SURF1: variants seen among roughly 807,000 people sequenced by gnomAD.
SURF1 encodes surfeit locus protein 1.
In SURF1, 45 loss-of-function variants were observed where a neutral mutation model predicts 34.1. That is an observed-to-expected ratio of 1.32 (90% CI 1.04 to 1.69). The LOEUF is 1.69. Among genes scored for constraint, SURF1 ranks in the 40% most tolerant of loss-of-function variants. The pLI is 0.00. For missense variants in SURF1, 456 were observed against 384.6 expected (o/e 1.19, Z -1.55); for synonymous variants, 188 against 147.5 (o/e 1.27, Z -1.99).
At chr9:133,355,629 G>C (rs1390445848) in intron 2 of SURF1, among the ~76,000 whole-genome samples, 1 of 152,194 alleles carries the variant, frequency 6.6e-6, no homozygotes, top group Non-Finnish European at 1.5e-5. Context: ...TCAGGCACTA[G>C]TGGTTGTTGT....
chr9:133,352,544 G>A lies in SURF1; in HGVS notation c.653C>T (p.Pro218Leu), dbSNP rs2130007750. The change falls in exon 7 of 9, where the codon CCT (proline) becomes CTT (leucine). Residue 218 changes from proline to leucine, a missense_variant. Pro to Leu is a moderately conservative substitution (Grantham distance 98, BLOSUM62 -3). Coordinates refer to ENST00000371974, the MANE Select transcript of SURF1 (RefSeq NM_003172.4). Reference sequence around the variant, plus strand: ...GTGGTTCCTTTCTGGATTGTTCTCAGGGACAAAAGGCTGCCTGGTTTCTGT... The same window carrying A: ...GTGGTTCCTTTCTGGATTGTTCTCAAGGACAAAAGGCTGCCTGGTTTCTGT... ...RLTETRQPFV[P>L]ENNPERNHWH... The A allele has an allele frequency of 1.2e-6, 2 of 1,614,212 alleles. No individual in the cohort carries two copies. Among genetic ancestry groups the A allele is most frequent in the Middle Eastern group, 1.7e-4 (1 of 6,060 alleles).
chr9:133,352,033 G>A, intron 8 of SURF1, 28 bp downstream of exon 8: 1 of 1,612,658 alleles, frequency 6.2e-7, no homozygotes, highest in South Asian at 1.1e-5. Context: ...CTGAAGGGGA[G>A]GAAGCCAGAG....
In SURF1 at chr9:133,352,160, T is replaced by C; in HGVS notation, c.752-18A>G. Reference sequence around the variant, plus strand: ...TGTGCTCTCTGTGGAGACAGCAGACTCAAGTCCACCCCCTACTGGCCTGCC... The same window carrying C: ...TGTGCTCTCTGTGGAGACAGCAGACCCAAGTCCACCCCCTACTGGCCTGCC... On this transcript the variant is annotated intron_variant, in intron 7 of 8. Transcript: ENST00000371974. The C allele has an allele frequency of 6.3e-7, 1 of 1,580,696 alleles. No homozygotes were observed. The highest frequency in any genetic ancestry group is 8.6e-7 in the Non-Finnish European group (1 of 1,162,312).
rs2130017686 is a variant in SURF1, at chr9:133,354,660, C to T, written c.322G>A (p.Asp108Asn). Residue 108 changes from aspartate (D) to asparagine (N), a missense_variant and splice_region_variant, in exon 4 of 9, where the codon GAC becomes AAC. Transcript: ENST00000371974. ...CTAGGGGGGCAGCCATGCACTCACTCGGCTGGCAGAGGGACAGGCTCAGCC... is the reference window on the plus strand; with the variant it reads ...CTAGGGGGGCAGCCATGCACTCACTTGGCTGGCAGAGGGACAGGCTCAGCC... The part of the protein sequence containing the change: ...VLAEPVPLPA[D>N]PMELKNLEYR... The T allele has an allele frequency of 8.7e-5, 140 of 1,612,590 alleles. No individual in the cohort carries two copies. Among genetic ancestry groups the T allele is most frequent in the African/African-American group, 1.3e-4 (10 of 74,890 alleles).
In SURF1 at chr9:133,351,923, G is replaced by C. The variant is rs201822068; in HGVS notation, c.893C>G (p.Pro298Arg). 179 of 1,613,728 alleles carry C rather than the reference G, an allele frequency of 1.1e-4. No homozygotes were observed. Among genetic ancestry groups the C allele is most frequent in the Non-Finnish European group, 1.4e-4 (167 of 1,179,910 alleles). Residue 298 changes from proline (P) to arginine (R), a missense_variant, in exon 9 of 9, where the codon CCT becomes CGT. Transcript: ENST00000371974. Reference protein sequence around the residue: ...LWFKKFLRGTPGV With the variant: ...LWFKKFLRGTRGV ...TCAGCAGCTGATCTGTCACACACCA[G>C]GTGTCCCACGTAGGAATTTCTTAAA...
Position 133,356,449 on chromosome 9 carries a change from G to A in SURF1, c.5C>T (p.Ala2Val), listed in dbSNP as rs1330020241. 6 of 1,419,346 alleles carry A rather than the reference G, an allele frequency of 4.2e-6. No individual in the cohort carries two copies. The highest frequency in any genetic ancestry group is 1.5e-5 in the South Asian group (1 of 68,918). The allele number at this position is 1,419,346 out of a possible 1,614,324, so 87.9% of individuals were successfully genotyped here. ...CCCCAGCTGCAACGCAGCCACCGCC[G>A]CCATCGCACCCGGCCCCGCGGGCGC... The part of the protein sequence containing the change: M[A>V]AVAALQLGLR... Residue 2 changes from alanine to valine, a missense_variant, in exon 1 of 9, where the codon GCG becomes GTG. Coordinates refer to ENST00000371974, the MANE Select transcript of SURF1 (RefSeq NM_003172.4).
Position 133,353,799 on chromosome 9 carries a change from TGAG to T in SURF1, c.462_464del (p.Ser155del), listed in dbSNP as rs2130014594. ...TGACCACATAGGCCCCACTCTGAGTTGAGGAGGAGATGAGGCCGCCCTCCCGGG... is the reference window on the plus strand; with the variant it reads ...TGACCACATAGGCCCCACTCTGAGTTGAGGAGATGAGGCCGCCCTCCCGGG... On this transcript the variant is annotated inframe_deletion, in exon 5 of 9. Coordinates refer to ENST00000371974, the MANE Select transcript of SURF1 (RefSeq NM_003172.4). 48 of 1,613,636 alleles carry T rather than the reference TGAG, an allele frequency of 3.0e-5. No individual in the cohort carries two copies. The highest frequency in any genetic ancestry group is 8.0e-5 in the African/African-American group (6 of 74,908).
Position 133,352,103 on chromosome 9 carries a change from C to G in SURF1, c.791G>C (p.Arg264Thr). ...CAGATGCTCGTTCCTCAGAGTAACTCTGGTTTGCCCTCCAATGGGTCCTCC... is the reference window on the plus strand; with the variant it reads ...CAGATGCTCGTTCCTCAGAGTAACTGTGGTTTGCCCTCCAATGGGTCCTCC... ...VPGGPIGGQT[R>T]VTLRNEHLQY... is the part of the protein sequence containing the mutation. The change falls in exon 8 of 9, where the codon AGA becomes ACA. Residue 264 changes from arginine (R) to threonine (T), a missense_variant. Physicochemically the swap from Arg to Thr is moderately conservative, Grantham distance 71. Transcript: ENST00000371974. 1 of 1,609,308 alleles carries G rather than the reference C, an allele frequency of 6.2e-7. No individual in the cohort carries two copies. The highest frequency in any genetic ancestry group is 8.5e-7 in the Non-Finnish European group (1 of 1,177,710).
chr9:133,355,934 A>G (rs2051680), intron 2 of SURF1, among the ~76,000 whole-genome samples: 20,429 of 152,010 alleles, frequency 0.13, 2,005 homozygotes, highest in African/African-American at 0.27. Context: ...GTGGTTAGAT[A>G]CGCTTTACTT....
intron 5 of SURF1, 71 bp from the exon 6 acceptor site, chr9:133,352,837 G>T: frequency 6.7e-7 from 1 of 1,484,236 alleles, no homozygotes; most frequent in East Asian, 2.4e-5. Flanking sequence ...TGGTCACTCA[G>T]GCACCCATAG....
chr9:133,353,756 C>A lies in SURF1; in HGVS notation c.508G>T (p.Asp170Tyr). ...AYVVTPFHCT[D>Y]LGVTILVNRG... ...CCCACATGTCCTACTCACCCCAGGT[C>A]GGTGCAGTGGAAGGGAGTGACCACA... is the stretch of plus-strand genomic sequence containing the variant. Residue 170 changes from aspartate (D) to tyrosine (Y), a missense_variant, in exon 5 of 9, where the codon GAC becomes TAC. Physicochemically the swap from Asp to Tyr is radical, Grantham distance 160. Transcript: ENST00000371974. 1 of 1,613,800 alleles carries A rather than the reference C, an allele frequency of 6.2e-7. No homozygotes were observed. The highest frequency in any genetic ancestry group is 1.1e-5 in the South Asian group (1 of 91,076).
In SURF1 at chr9:133,352,059, A is replaced by G. The variant is rs2130004034; in HGVS notation, c.833+2T>C. On this transcript the variant is annotated splice_donor_variant, in intron 8 of 8. Transcript: ENST00000371974. LOFTEE classifies it high-confidence loss of function. ...GAAGCCAGAGGGCCGCTGGGGACTC[A>G]CCAGGTCACGATGTACTGCAGATGC... 10 of 1,612,040 alleles carry G rather than the reference A, an allele frequency of 6.2e-6. No individual in the cohort carries two copies. The South Asian group carries it at 8.8e-5, about 14-fold the overall frequency.
intron 4 of SURF1, 25 bp from the exon 5 acceptor site, chr9:133,353,965 C>A (rs2130015768): frequency 1.9e-6 from 3 of 1,613,452 alleles, no homozygotes; most frequent in Non-Finnish European, 2.5e-6. Context: ...GAACAGTGGC[C>A]GAGCAAGGTT....
Position 133,354,884 on chromosome 9 carries a change from G to C in SURF1, c.180C>G (p.Ser60=). Residue 60 remains serine, a synonymous_variant, in exon 3 of 9, where the codon TCC becomes TCG. Coordinates refer to ENST00000371974, the MANE Select transcript of SURF1 (RefSeq NM_003172.4). The part of the protein sequence containing the change: ...EASATKAEDD[S]FLQWVLLLIP... ...TGAGGAGCAGGACCCACTGAAGAAAGGAGTCATCTTCCGCTTTTGTGGCAG... is the reference window on the plus strand; with the variant it reads ...TGAGGAGCAGGACCCACTGAAGAAACGAGTCATCTTCCGCTTTTGTGGCAG... 2.5e-6 allele frequency: 4 copies of C among 1,614,022 alleles called. No individual in the cohort carries two copies. Among genetic ancestry groups the C allele is most frequent in the Admixed American group, 1.7e-5 (1 of 60,028 alleles).
chr9:133,354,893 T>C lies in SURF1; in HGVS notation c.171A>G (p.Glu57=), dbSNP rs1836530311. 6.2e-7 allele frequency: 1 copy of C among 1,613,928 alleles called. No individual in the cohort carries two copies. The highest frequency in any genetic ancestry group is 1.7e-5 in the Admixed American group (1 of 60,014). The change falls in exon 3 of 9, where the codon GAA becomes GAG. Residue 57 remains glutamate, a synonymous_variant. Transcript: ENST00000371974. ...SAAEASATKA[E]DDSFLQWVLL... is the part of the protein sequence containing the mutation. ...GGACCCACTGAAGAAAGGAGTCATC[T>C]TCCGCTTTTGTGGCAGATGCTTCTG... is the stretch of plus-strand genomic sequence containing the variant.
In SURF1 at chr9:133,352,460, A is replaced by C; in HGVS notation, c.737T>G (p.Ile246Ser). 6.2e-7 allele frequency: 1 copy of C among 1,614,262 alleles called. No homozygotes were observed. Residue 246 changes from isoleucine (I) to serine (S), a missense_variant, in exon 7 of 9, where the codon ATT becomes AGT. Coordinates refer to ENST00000371974, the MANE Select transcript of SURF1 (RefSeq NM_003172.4). ...ARITGAEPIF[I>S]DANFQSTVPG... Reference sequence around the variant, plus strand: ...CCACAACGTACGGAAGTTGGCATCAATGAAGATGGGCTCTGCGCCTGTGAT... The same window carrying C: ...CCACAACGTACGGAAGTTGGCATCACTGAAGATGGGCTCTGCGCCTGTGAT...
chr9:133,352,068 C>CGATGTACTGCA lies in SURF1; in HGVS notation c.815_825dup (p.Val276CysfsTer5), dbSNP rs1220688120. ...GGGCCGCTGGGGACTCACCAGGTCACGATGTACTGCAGATGCTCGTTCCTC... is the reference window on the plus strand; with the variant it reads ...GGGCCGCTGGGGACTCACCAGGTCACGATGTACTGCAGATGTACTGCAGATGCTCGTTCCTC... On this transcript the variant is annotated frameshift_variant, in exon 8 of 9. Coordinates refer to ENST00000371974, the MANE Select transcript of SURF1 (RefSeq NM_003172.4). LOFTEE classifies it high-confidence loss of function. 3.1e-6 allele frequency: 5 copies of CGATGTACTGCA among 1,611,532 alleles called. No homozygotes were observed. In the African/African-American group the frequency reaches 4.0e-5, roughly 13 times the overall value.
chr9:133,353,673 G>A, intron 5 of SURF1, 76 bp downstream of exon 5: 1 of 1,565,480 alleles, frequency 6.4e-7, no homozygotes, highest in Non-Finnish European at 8.8e-7. Context: ...TGGGGATTGT[G>A]AAGGAAATAG....
In SURF1 at chr9:133,354,639, G is replaced by A; in HGVS notation, c.323+20C>T. ...TGAACTCAAGTAAAACAGGCCCTAGGGGGGCAGCCATGCACTCACTCGGCT... is the reference window on the plus strand; with the variant it reads ...TGAACTCAAGTAAAACAGGCCCTAGAGGGGCAGCCATGCACTCACTCGGCT... On this transcript the variant is annotated intron_variant, in intron 4 of 8. Transcript: ENST00000371974. 1 of 1,611,966 alleles carries A rather than the reference G, an allele frequency of 6.2e-7. No individual in the cohort carries two copies. Among genetic ancestry groups the A allele is most frequent in the Non-Finnish European group, 8.5e-7 (1 of 1,179,948 alleles).
Sources: allele counts gnomAD v4.1 joint callset (sites outside exome capture counted in the v4.1 genomes callset), GRCh38; gene constraint gnomAD v4.1.1; transcripts MANE v1.5; gene names NCBI Gene and HGNC (gene_info 2026-07-23, HGNC 2026-07-21).